Variants in DNAAF9 observed in about 807,000 individuals in gnomAD.
The protein encoded by DNAAF9 is shulin.
In DNAAF9, 90 loss-of-function variants were observed where a neutral mutation model predicts 167.0. The observed-to-expected ratio is 0.54, with a 90% CI of 0.45 to 0.64. The LOEUF is 0.64. Among genes scored for constraint, DNAAF9 ranks in the 30% least tolerant of loss-of-function variants. The pLI, the probability that DNAAF9 is intolerant of heterozygous loss-of-function variation, is 0.00. For synonymous variants in DNAAF9, 491 were observed against 508.8 expected (o/e 0.96, Z 0.47); for missense variants, 1,315 against 1,442.2 (o/e 0.91, Z 1.43).
At chr20:3,301,507 C>T (rs1212637344) in intron 21 of DNAAF9, among the ~76,000 whole-genome samples, 1 of 152,028 alleles carries the variant, frequency 6.6e-6, no homozygotes, top group Admixed American at 6.6e-5. Context: ...GTTTTTAAAA[C>T]TTAATTTATC....
chr20:3,256,820 G>A (rs1277102759), intron 33 of DNAAF9, among the ~76,000 whole-genome samples: 2 of 152,184 alleles, frequency 1.3e-5, no homozygotes, highest in Non-Finnish European at 2.9e-5. Context: ...AGAAGTGGGG[G>A]GCTCTCAGCA....
chr20:3,281,780 A>C lies in DNAAF9; in HGVS notation c.2487-14T>G. On this transcript the variant is annotated splice_polypyrimidine_tract_variant and intron_variant, in intron 27 of 36. Transcript: ENST00000252032. The stretch of plus-strand genomic sequence containing the variant: ...ACATCTGTGTAGCTGGGGAAGGTAA[A>C]AAAGGAATGATTAGTTCACTGACTG... 6.2e-7 allele frequency: 1 copy of C among 1,603,900 alleles called. No homozygotes were observed.
intron 31 of DNAAF9, among the ~76,000 whole-genome samples, chr20:3,262,965 CTTTTTTTTTTT>C (rs796491974): frequency 4.9e-5 from 4 of 81,286 alleles, no homozygotes; most frequent in Non-Finnish European, 4.8e-5. Flanking sequence ...CATAGCAGAT[CTTTTTTTTTTT>C]TTTTTTTTTT....
At chr20:3,290,787 CTTTTTTT>C (rs548143543) in intron 25 of DNAAF9, among the ~76,000 whole-genome samples, 29 of 135,306 alleles carry the variant, frequency 2.1e-4, no homozygotes, top group Admixed American at 2.2e-4. Context: ...AGGGCTAAGT[CTTTTTTT>C]TTTTTTTTTT....
At chr20:3,366,010 G>C (rs904705394) in intron 6 of DNAAF9, among the ~76,000 whole-genome samples, 9 of 152,184 alleles carry the variant, frequency 5.9e-5, no homozygotes, top group Non-Finnish European at 1.0e-4. Flanking sequence ...CTCCACTGAA[G>C]TCTTGAATCC....
At chr20:3,388,255 C>T (rs2083778907) in intron 1 of DNAAF9, among the ~76,000 whole-genome samples, 1 of 152,014 alleles carries the variant, frequency 6.6e-6, no homozygotes, top group Non-Finnish European at 1.5e-5. Flanking sequence ...ATAACAAGTG[C>T]CATCAAGGAT....
chr20:3,271,841 G>C (rs1410689585), intron 29 of DNAAF9, among the ~76,000 whole-genome samples: 1 of 151,874 alleles, frequency 6.6e-6, no homozygotes, highest in African/African-American at 2.4e-5. Flanking sequence ...GGCTGGTCTC[G>C]AACTCCCGAC....
intron 7 of DNAAF9, 142 bp from the exon 8 acceptor site, chr20:3,348,765 T>C (rs2070249661): frequency 5.8e-6 from 3 of 515,136 alleles, no homozygotes; most frequent in African/African-American, 3.8e-5. Flanking sequence ...AAACTACTAG[T>C]ACATGCTACT....
chr20:3,361,813 G>T, intron 6 of DNAAF9: 1 of 1,360,172 alleles, frequency 7.4e-7, no homozygotes, highest in Non-Finnish European at 1.0e-6. Flanking sequence ...ATTTACTACT[G>T]AAAAATGAAG....
At chr20:3,368,134 C>A (rs936540822) in intron 6 of DNAAF9, among the ~76,000 whole-genome samples, 1 of 152,112 alleles carries the variant, frequency 6.6e-6, no homozygotes. Flanking sequence ...CTGCTGAGTA[C>A]CGACTGGGGC....
At chr20:3,269,718 G>A (rs1354428854) in intron 30 of DNAAF9, among the ~76,000 whole-genome samples, 1 of 152,106 alleles carries the variant, frequency 6.6e-6, no homozygotes, top group Admixed American at 6.5e-5. Flanking sequence ...ACTTTGGGAG[G>A]CCGAGGCAGG....
At chr20:3,260,094 C>G in intron 31 of DNAAF9, 66 bp from the exon 32 acceptor site, 1 of 837,438 alleles carries the variant, frequency 1.2e-6, no homozygotes, top group Non-Finnish European at 2.0e-6. Context: ...AATCCCAGCA[C>G]TCTGGGAGGC....
intron 16 of DNAAF9, 149 bp downstream of exon 16, chr20:3,322,068 C>T (rs150199962): frequency 6.3e-6 from 4 of 633,864 alleles, no homozygotes; most frequent in South Asian, 3.7e-5. Context: ...CAGGCTCACC[C>T]CTGCTATGGC....
intron 9 of DNAAF9, among the ~76,000 whole-genome samples, chr20:3,341,083 G>T (rs1377073646): frequency 2.0e-5 from 3 of 152,072 alleles, no homozygotes; most frequent in Admixed American, 1.3e-4. Context: ...AGGAGCACAG[G>T]AGGGTTGCAA....
Position 3,251,741 on chromosome 20 carries a change from C to T in DNAAF9, c.*831G>A, listed in dbSNP as rs2068197967. 6.6e-6 allele frequency: 1 copy of T among 152,338 alleles called. No homozygotes were observed. The highest frequency in any genetic ancestry group is 2.4e-5 in the African/African-American group (1 of 41,476). 9.4% of individuals were successfully genotyped at this position (152,338 alleles called of 1,614,324 possible). On this transcript the variant is annotated 3_prime_UTR_variant, in exon 37 of 37. Transcript: ENST00000252032. ...AAGTGATCAGCCACCAGGCCTAAGA[C>T]TAACCAGCTGCAGGACGCCCCCTTC...
At chr20:3,271,373 A>C (rs2068589334) in intron 29 of DNAAF9, among the ~76,000 whole-genome samples, 1 of 152,132 alleles carries the variant, frequency 6.6e-6, no homozygotes, top group Non-Finnish European at 1.5e-5. Flanking sequence ...CGTGGTAAGA[A>C]AGGGTGGCCC....
chr20:3,380,082 A>T (rs2083627542), intron 3 of DNAAF9, among the ~76,000 whole-genome samples: 1 of 152,182 alleles, frequency 6.6e-6, no homozygotes, highest in Non-Finnish European at 1.5e-5. Context: ...AACAAAAATA[A>T]GCAAAAAAGC....
intron 35 of DNAAF9, among the ~76,000 whole-genome samples, chr20:3,254,568 G>A (rs540546561): frequency 6.6e-6 from 1 of 152,186 alleles, no homozygotes; most frequent in Admixed American, 6.5e-5. Context: ...GAGCACCCAG[G>A]TTGTCCGGGC....
At chr20:3,269,233 A>C (rs1487812314) in intron 30 of DNAAF9, among the ~76,000 whole-genome samples, 3 of 150,372 alleles carry the variant, frequency 2.0e-5, no homozygotes, top group Non-Finnish European at 4.4e-5. Context: ...TTTAATAGAC[A>C]AAGTCTCACT....
Sources: gnomAD v4.1 joint callset for allele counts (sites outside exome capture counted in the v4.1 genomes callset) on GRCh38, gnomAD v4.1.1 for gene constraint, MANE v1.5 for transcripts, NCBI Gene and HGNC (gene_info 2026-07-23, HGNC 2026-07-21) for gene names.